Variants in SRGAP2C observed in about 807,000 individuals in gnomAD.
SRGAP2C encodes the protein SLIT-ROBO Rho GTPase activating protein 2C.
In SRGAP2C, 15 loss-of-function variants were observed where a neutral mutation model predicts 25.1. The observed-to-expected ratio is 0.60, with a 90% CI of 0.40 to 0.92. The LOEUF (loss-of-function observed/expected upper bound fraction) is 0.92, where lower values mean the gene tolerates loss of function less well. Ranked by LOEUF, SRGAP2C falls within the 40% of genes least tolerant of loss-of-function variation. The probability of loss-of-function intolerance (pLI) is 0.00; values close to 1 mark genes in which losing one functional copy is unlikely to be tolerated. For synonymous variants in SRGAP2C, 44 were observed against 96.6 expected, an observed-to-expected ratio of 0.46 and a Z score of 3.19; for missense variants, 144 against 264.4, an observed-to-expected ratio of 0.54 and a Z score of 3.16.
intron 5 of SRGAP2C, among the ~76,000 whole-genome samples, chr1:121,366,288 TG>T (rs1659320262): frequency 6.8e-6 from 1 of 146,554 alleles, no homozygotes; most frequent in South Asian, 2.2e-4. Context: ...TTTCTTCCTT[TG>T]TTTTTTTTTT....
chr1:121,308,776 T>TA (rs1657909242), intron 3 of SRGAP2C, among the ~76,000 whole-genome samples: 1 of 147,028 alleles, frequency 6.8e-6, no homozygotes, highest in Admixed American at 6.8e-5. Context: ...CTGTCTCTAC[T>TA]AAAAAACACA....
intron 4 of SRGAP2C, chr1:121,362,192 T>C (rs1372577787): frequency 1.1e-5 from 1 of 87,496 alleles, no homozygotes; most frequent in Non-Finnish European, 2.3e-5. Context: ...CAGTTAAGGT[T>C]TCTGAAACAG....
chr1:121,377,263 C>CTTT (rs57457251), intron 7 of SRGAP2C, among the ~76,000 whole-genome samples: 35 of 50,412 alleles, frequency 6.9e-4, no homozygotes, highest in Non-Finnish European at 9.3e-4. Flanking sequence ...TCTCATGTTT[C>CTTT]TTTTTTTTTT....
At chr1:121,270,328 T>A (rs1355838908) in intron 2 of SRGAP2C, among the ~76,000 whole-genome samples, 3 of 151,716 alleles carry the variant, frequency 2.0e-5, no homozygotes, top group African/African-American at 7.3e-5. Flanking sequence ...GAGACCAATC[T>A]GGGTTTCTGC....
intron 3 of SRGAP2C, among the ~76,000 whole-genome samples, chr1:121,297,090 G>A (rs1478717236): frequency 6.6e-6 from 1 of 152,012 alleles, no homozygotes; most frequent in Non-Finnish European, 1.5e-5. Flanking sequence ...AGCACCTGGT[G>A]TTGCAAGGGT....
chr1:121,194,372 C>A (rs1185076706), intron 2 of SRGAP2C, among the ~76,000 whole-genome samples: 1 of 135,370 alleles, frequency 7.4e-6, no homozygotes, highest in East Asian at 2.3e-4. Context: ...GGGACCCCAT[C>A]TTTGCAAGAA....
chr1:121,356,830 T>C (rs1472824574), intron 4 of SRGAP2C, among the ~76,000 whole-genome samples: 2 of 151,448 alleles, frequency 1.3e-5, no homozygotes, highest in Admixed American at 1.3e-4. Flanking sequence ...TGATTGTCTG[T>C]TTTAAGGGAT....
In SRGAP2C at chr1:121,270,135, G is replaced by A. The variant is rs587699323; in HGVS notation, c.68-14668G>A. The stretch of plus-strand genomic sequence containing the variant: ...GATTTCTGTTTCTCAAGACGAGTTC[G>A]TGGGTGCTACATAGGCTGAGATCTT... On this transcript the variant is annotated intron_variant, in intron 2 of 9. Coordinates refer to ENST00000367123, the MANE Select transcript of SRGAP2C (RefSeq NM_001329984.2). Among the ~76,000 whole-genome samples the A allele has an allele frequency of 7.8e-4, 111 of 141,628 alleles. 1 individual carries two copies. Among genetic ancestry groups the A allele is most frequent in the African/African-American group, 2.4e-3 (95 of 38,812 alleles). The allele number at this position is 141,628 out of a possible 152,430, so 92.9% of individuals were successfully genotyped here. A position where few individuals can be genotyped will look rare whatever the true frequency, so the allele number is the denominator to read the frequency against.
chr1:121,223,589 A>C (rs1553326070), intron 2 of SRGAP2C, among the ~76,000 whole-genome samples: 1 of 51,086 alleles, frequency 2.0e-5, no homozygotes, highest in African/African-American at 9.0e-5. Context: ...CCACCAGTGG[A>C]CATTCTTTTC....
At chr1:121,235,051 T>G (rs1655917009) in intron 2 of SRGAP2C, among the ~76,000 whole-genome samples, 1 of 145,580 alleles carries the variant, frequency 6.9e-6, no homozygotes, top group Non-Finnish European at 1.5e-5. Context: ...AGGCGGAGTC[T>G]CGCTCCGTCC....
intron 3 of SRGAP2C, among the ~76,000 whole-genome samples, chr1:121,293,031 T>C (rs1553337849): frequency 4.0e-5 from 4 of 99,712 alleles, no homozygotes; most frequent in African/African-American, 1.3e-4. Flanking sequence ...GAGAGGGCTT[T>C]AGGGAGGTCA....
intron 4 of SRGAP2C, among the ~76,000 whole-genome samples, chr1:121,338,244 G>T (rs1658564440): frequency 6.7e-6 from 1 of 149,642 alleles, no homozygotes; most frequent in South Asian, 2.1e-4. Flanking sequence ...TCTGCTTCTT[G>T]CCCAGCTTGT....
At chr1:121,194,380 G>GA (rs1252447918) in intron 2 of SRGAP2C, among the ~76,000 whole-genome samples, 18 of 129,086 alleles carry the variant, frequency 1.4e-4, no homozygotes, top group South Asian at 2.6e-4. Context: ...ATCTTTGCAA[G>GA]AAAAAAAAAC....
intron 2 of SRGAP2C, among the ~76,000 whole-genome samples, chr1:121,230,787 A>C (rs1340663032): frequency 2.0e-5 from 3 of 152,056 alleles, no homozygotes; most frequent in Non-Finnish European, 4.4e-5. Context: ...AACCAACCCA[A>C]ATGCCCATCA....
intron 3 of SRGAP2C, among the ~76,000 whole-genome samples, chr1:121,322,144 A>G (rs1658224284): frequency 1.3e-5 from 2 of 149,194 alleles, no homozygotes; most frequent in South Asian, 4.2e-4. Context: ...AGACCCCCCC[A>G]ATCCATCTTC....
chr1:121,236,695 G>A (rs1199599661), intron 2 of SRGAP2C, among the ~76,000 whole-genome samples: 44 of 150,976 alleles, frequency 2.9e-4, no homozygotes, highest in Middle Eastern at 3.4e-3. Flanking sequence ...GGCCTGTCTC[G>A]TCAGGTTGGT....
At chr1:121,202,457 C>T in intron 2 of SRGAP2C, among the ~76,000 whole-genome samples, 1 of 143,078 alleles carries the variant, frequency 7.0e-6, no homozygotes, top group African/African-American at 2.8e-5. Context: ...GAGGCAGAGT[C>T]TTGCTCTGTC....
chr1:121,258,309 G>A (rs2101526109), intron 2 of SRGAP2C, among the ~76,000 whole-genome samples: 1 of 151,624 alleles, frequency 6.6e-6, no homozygotes, highest in African/African-American at 2.4e-5. Flanking sequence ...TTTGTTTTTA[G>A]GGTGGTGCCC....
intron 4 of SRGAP2C, among the ~76,000 whole-genome samples, chr1:121,354,261 CCTTTCTTTCTT>C (rs1413136391): frequency 6.7e-5 from 2 of 29,930 alleles, no homozygotes; most frequent in East Asian, 5.3e-3. Flanking sequence ...CTTTCTCTCT[CCTTTCTTTCTT>C]TCTTTCTTTC....
Sources: allele counts gnomAD v4.1 joint callset (sites outside exome capture counted in the v4.1 genomes callset), GRCh38; gene constraint gnomAD v4.1.1; transcripts MANE v1.5; gene names NCBI Gene and HGNC (gene_info 2026-07-23, HGNC 2026-07-21).